PRSS38: variants seen among roughly 807,000 people sequenced by gnomAD.
The protein encoded by PRSS38 is serine protease 38.
Under a neutral mutation model 26.8 loss-of-function variants are expected in PRSS38, and 22 were observed. The observed-to-expected ratio is 0.82, with a 90% CI of 0.59 to 1.17. The LOEUF (loss-of-function observed/expected upper bound fraction) is 1.17. Ranked by LOEUF, PRSS38 falls within the 50% of genes most tolerant of loss-of-function variation. PRSS38 has a pLI of 0.00. For synonymous variants in PRSS38, 175 were observed against 172.1 expected (o/e 1.02, Z -0.13); for missense variants, 427 against 422.7 (o/e 1.01, Z -0.09).
At chr1:227,839,178 A>C (rs1240880640) in intron 3 of PRSS38, among the ~76,000 whole-genome samples, 19 of 152,210 alleles carry the variant, frequency 1.2e-4, no homozygotes, top group Admixed American at 1.2e-3. Context: ...TATGCAACTG[A>C]GCCAGGTGCA....
chr1:227,834,727 G>A (rs1394728304), intron 3 of PRSS38, among the ~76,000 whole-genome samples: 1 of 151,936 alleles, frequency 6.6e-6, no homozygotes, highest in Non-Finnish European at 1.5e-5. Context: ...CTACTGGGGA[G>A]GCTGTGGTGG....
chr1:227,845,734 C>A, intron 4 of PRSS38, 122 bp downstream of exon 4: 1 of 1,288,000 alleles, frequency 7.8e-7, no homozygotes, highest in Non-Finnish European at 1.1e-6. Flanking sequence ...CCAAGCTGAG[C>A]AGGGCGATGT....
chr1:227,827,529 G>A (rs1034156570), intron 3 of PRSS38, among the ~76,000 whole-genome samples: 3 of 151,808 alleles, frequency 2.0e-5, no homozygotes, highest in Non-Finnish European at 2.9e-5. Flanking sequence ...GGGGTCAGTG[G>A]CAATATCCCT....
rs1558230822 is a variant in PRSS38, at chr1:227,816,054, A to C, written c.149-36A>C. 4.7e-6 allele frequency: 7 copies of C among 1,488,120 alleles called. No homozygotes were observed. The highest frequency in any genetic ancestry group is 6.3e-6 in the Non-Finnish European group (7 of 1,110,034). 92.2% of individuals were successfully genotyped at this position (1,488,120 alleles called of 1,614,324 possible). A position where few individuals can be genotyped will look rare whatever the true frequency, so the allele number is the denominator to read the frequency against. ...CCTGCCCTACCTCTCCCGTGGCCCC[A>C]GCATGGCTCCACCGTCAGCTCCGTT... On this transcript the variant is annotated intron_variant, in intron 1 of 4. Coordinates refer to ENST00000366757, the Ensembl canonical transcript of PRSS38. This position sits in a 1 kb window ranked among gnomAD's most constrained non-coding sequence, Gnocchi z 5.1.
chr1:227,833,276 C>A (rs1363255985), intron 3 of PRSS38, among the ~76,000 whole-genome samples: 1 of 152,108 alleles, frequency 6.6e-6, no homozygotes, highest in Non-Finnish European at 1.5e-5. Context: ...ACCTGTAATC[C>A]CAGCACTTTG....
chr1:227,819,811 C>T (rs904272053), intron 3 of PRSS38, among the ~76,000 whole-genome samples: 5 of 152,018 alleles, frequency 3.3e-5, no homozygotes, highest in Non-Finnish European at 7.4e-5. Context: ...TGATTTTTGG[C>T]CGGGTGCAGT....
In PRSS38 at chr1:227,816,050, C is replaced by A; in HGVS notation, c.149-40C>A. 2 of 1,588,238 alleles carry A rather than the reference C, an allele frequency of 1.3e-6. No individual in the cohort carries two copies. The highest frequency in any genetic ancestry group is 1.7e-6 in the Non-Finnish European group (2 of 1,164,772). ...CCTGCCTGCCCTACCTCTCCCGTGG[C>A]CCCAGCATGGCTCCACCGTCAGCTC... is the stretch of plus-strand genomic sequence containing the variant. On this transcript the variant is annotated intron_variant, in intron 1 of 4. Transcript: ENST00000366757. This position sits in a 1 kb window ranked among gnomAD's most constrained non-coding sequence, Gnocchi z 5.1.
chr1:227,816,639 G>A lies in PRSS38; in HGVS notation c.311+387G>A, dbSNP rs915247299. ...TAAGTGCACGACCAGGTCCCCACGA[G>A]TGAGGCTGGTCCTCAAGGGCACAGC... On this transcript the variant is annotated intron_variant, in intron 2 of 4. Transcript: ENST00000366757. The surrounding 1 kb of genome is among the most constrained non-coding windows in gnomAD (Gnocchi z 5.1). 1.3e-5 allele frequency among the ~76,000 whole-genome samples: 2 copies of A among 151,778 alleles called. No homozygotes were observed. Among genetic ancestry groups the A allele is most frequent in the Non-Finnish European group, 2.9e-5 (2 of 67,956 alleles).
intron 3 of PRSS38, among the ~76,000 whole-genome samples, chr1:227,827,450 T>C (rs1418766844): frequency 6.6e-6 from 1 of 152,144 alleles, no homozygotes; most frequent in African/African-American, 2.4e-5. Context: ...TAGTTTCTTT[T>C]CTAGATTTTT....
Position 227,816,112 on chromosome 1 carries a change from G to A in PRSS38, c.171G>A (p.Glu57=). 6.2e-7 allele frequency: 1 copy of A among 1,613,402 alleles called. No individual in the cohort carries two copies. The highest frequency in any genetic ancestry group is 8.5e-7 in the Non-Finnish European group (1 of 1,179,800). ...CAGCCTGTGGTCGGCCCAGCATGGA[G>A]GGGAAAATCCTGGGCGGCGTCCCTG... The change falls in exon 2 of 5, where the codon GAG becomes GAA. Residue 57 remains glutamate (E), a synonymous_variant. Transcript: ENST00000366757. This position sits in a 1 kb window ranked among gnomAD's most constrained non-coding sequence, Gnocchi z 5.1.
At chr1:227,843,561 G>T (rs538854079) in intron 3 of PRSS38, among the ~76,000 whole-genome samples, 1 of 152,054 alleles carries the variant, frequency 6.6e-6, no homozygotes, top group South Asian at 2.1e-4. Context: ...AATTAGCCAG[G>T]TGTGGTGGCG....
chr1:227,829,798 C>T (rs1399285322), intron 3 of PRSS38, among the ~76,000 whole-genome samples: 1 of 152,158 alleles, frequency 6.6e-6, no homozygotes, highest in Non-Finnish European at 1.5e-5. Flanking sequence ...GGCTTTCTCT[C>T]TCTTGCCTCA....
Position 227,816,131 on chromosome 1 carries a change from G to A in PRSS38, c.190G>A (p.Val64Ile), listed in dbSNP as rs373887552. 9.5e-5 allele frequency: 154 copies of A among 1,613,548 alleles called. No homozygotes were observed. The highest frequency in any genetic ancestry group is 1.2e-4 in the African/African-American group (9 of 74,900). The change falls in exon 2 of 5, where the codon GTC (valine) becomes ATC (isoleucine). Residue 64 changes from valine to isoleucine, a missense_variant. Transcript: ENST00000366757. The surrounding 1 kb of genome is among the most constrained non-coding windows in gnomAD (Gnocchi z 5.1). Reference sequence around the variant, plus strand: ...CATGGAGGGGAAAATCCTGGGCGGCGTCCCTGCGCCCGAGAGGAAGTGGCC... The same window carrying A: ...CATGGAGGGGAAAATCCTGGGCGGCATCCCTGCGCCCGAGAGGAAGTGGCC...
At chr1:227,818,698 A>AAAAAAAAAAT (rs1201971289) in intron 3 of PRSS38, among the ~76,000 whole-genome samples, 1 of 151,618 alleles carries the variant, frequency 6.6e-6, no homozygotes, top group African/African-American at 2.4e-5. Context: ...AAAAAAAAAA[A>AAAAAAAAAAT]ACGTATTTAA....
chr1:227,821,681 G>T (rs1424478393), intron 3 of PRSS38, among the ~76,000 whole-genome samples: 1 of 152,082 alleles, frequency 6.6e-6, no homozygotes, highest in Non-Finnish European at 1.5e-5. Context: ...GATCTCCTTA[G>T]TTTTTTATGA....
chr1:227,842,174 G>A (rs1665347512), intron 3 of PRSS38, among the ~76,000 whole-genome samples: 1 of 152,144 alleles, frequency 6.6e-6, no homozygotes, highest in South Asian at 2.1e-4. Context: ...GGATTTGGAG[G>A]GGACAAACAT....
intron 3 of PRSS38, among the ~76,000 whole-genome samples, chr1:227,825,654 G>A (rs187339801): frequency 5.3e-5 from 8 of 152,278 alleles, no homozygotes; most frequent in Non-Finnish European, 8.8e-5. Context: ...CCCATTGCTT[G>A]TTTTTGCCGG....
chr1:227,840,021 C>T (rs1048267945), intron 3 of PRSS38, among the ~76,000 whole-genome samples: 11 of 152,228 alleles, frequency 7.2e-5, no homozygotes, highest in African/African-American at 2.7e-4. Flanking sequence ...CAGAAAACCG[C>T]AGCCCCTGTC....
intron 3 of PRSS38, among the ~76,000 whole-genome samples, chr1:227,823,192 G>GACTTTCTGAATTATTTC (rs1665027036): frequency 6.6e-6 from 1 of 152,032 alleles, no homozygotes; most frequent in Admixed American, 6.6e-5. Flanking sequence ...AGCATTATTT[G>GACTTTCTGAATTATTTC]ACTTTCTGAA....
Sources: gnomAD v4.1 joint callset for allele counts (sites outside exome capture counted in the v4.1 genomes callset) on GRCh38, gnomAD v4.1.1 for gene constraint, Gnocchi (gnomAD v3.1) non-coding constraint, MANE v1.5 for transcripts, NCBI Gene and HGNC (gene_info 2026-07-23, HGNC 2026-07-21) for gene names.